KIF26B: variants seen among roughly 807,000 people sequenced by gnomAD.
The protein encoded by KIF26B is kinesin-like protein KIF26B.
KIF26B carries 63 observed loss-of-function variants against 151.2 expected under a neutral mutation model. The ratio of observed to expected loss-of-function variants is 0.42; its 90% CI spans 0.34 to 0.51. The LOEUF (loss-of-function observed/expected upper bound fraction) is 0.51. KIF26B is among the 20% of genes least tolerant of loss of function. KIF26B has a pLI of 0.07. For missense variants in KIF26B, 2,813 were observed against 2,913.6 expected (o/e 0.97, Z 0.79); for synonymous variants, 1,357 against 1,262.1 (o/e 1.08, Z -1.59).
rs887049306 is a variant in KIF26B at position 245,606,074 on chromosome 1, T to C, written c.1558-1577T>C. ...CTGGCAAATTCCATCAAGACGCTACTGCTTCTGTCTCAGGGTTAGCACTGG... is the reference window on the plus strand; with the variant it reads ...CTGGCAAATTCCATCAAGACGCTACCGCTTCTGTCTCAGGGTTAGCACTGG... On this transcript the variant is annotated intron_variant, in intron 6 of 14. Coordinates refer to ENST00000407071, the MANE Select transcript of KIF26B (RefSeq NM_018012.4). The surrounding 1 kb of genome is among the most constrained non-coding windows in gnomAD (Gnocchi z 4.6). Among the ~76,000 whole-genome samples, 1 of 152,170 alleles carries C rather than the reference T, an allele frequency of 6.6e-6. No individual in the cohort carries two copies. The highest frequency in any genetic ancestry group is 1.9e-4 in the East Asian group (1 of 5,190).
chr1:245,337,671 A>T (rs1477506221), intron 2 of KIF26B, among the ~76,000 whole-genome samples: 1 of 152,172 alleles, frequency 6.6e-6, no homozygotes, highest in Non-Finnish European at 1.5e-5. Flanking sequence ...TTGAATTAAT[A>T]AATAAATGAC....
Position 245,218,131 on chromosome 1 carries a change from G to A in KIF26B, c.465+61448G>A, listed in dbSNP as rs1669685710. 6.6e-6 allele frequency among the ~76,000 whole-genome samples: 1 copy of A among 152,214 alleles called. No individual in the cohort carries two copies. Among genetic ancestry groups the A allele is most frequent in the Non-Finnish European group, 1.5e-5 (1 of 68,040 alleles). On this transcript the variant is annotated intron_variant, in intron 2 of 14. Transcript: ENST00000407071. This position sits in a 1 kb window ranked among gnomAD's most constrained non-coding sequence, Gnocchi z 4.1. Reference sequence around the variant, plus strand: ...GTCTGGATCCTGTGCAGCGGGCAGAGGCCAGAGGCCATGGTGGGGGCCCCA... The same window carrying A: ...GTCTGGATCCTGTGCAGCGGGCAGAAGCCAGAGGCCATGGTGGGGGCCCCA...
At chr1:245,594,183 TTG>T (rs1404038727) in intron 5 of KIF26B, among the ~76,000 whole-genome samples, 2 of 152,230 alleles carry the variant, frequency 1.3e-5, no homozygotes, top group Non-Finnish European at 2.9e-5. Flanking sequence ...TAGATCCCAT[TTG>T]TCAATTTTGG....
intron 2 of KIF26B, among the ~76,000 whole-genome samples, chr1:245,189,046 G>T (rs1294699601): frequency 6.6e-6 from 1 of 152,230 alleles, no homozygotes; most frequent in Non-Finnish European, 1.5e-5. Flanking sequence ...AGGGGCTGGA[G>T]TTGAGGGGAA....
chr1:245,698,495 G>C lies in KIF26B; in HGVS notation c.6027+187G>C, dbSNP rs1280829309. 6.6e-6 allele frequency among the ~76,000 whole-genome samples: 1 copy of C among 152,196 alleles called. No individual in the cohort carries two copies. Among genetic ancestry groups the C allele is most frequent in the African/African-American group, 2.4e-5 (1 of 41,450 alleles). ...CCTTTGGACAGAGGCCTTGGAGAGA[G>C]CCCCATGTTTCTCTTCCTGAAATGT... On this transcript the variant is annotated intron_variant, in intron 13 of 14. Transcript: ENST00000407071. This position sits in a 1 kb window ranked among gnomAD's most constrained non-coding sequence, Gnocchi z 4.0.
chr1:245,303,474 AG>A (rs1394883042), intron 2 of KIF26B, among the ~76,000 whole-genome samples: 1 of 150,908 alleles, frequency 6.6e-6, no homozygotes, highest in Admixed American at 6.6e-5. Context: ...CTGGGATTAC[AG>A]GCGTAAGCCA....
At position 245,586,892 on chromosome 1, in the gene KIF26B, C is replaced by CA. The variant is rs10715064; in HGVS notation, c.1351-15668dup. 5.9e-3 allele frequency among the ~76,000 whole-genome samples: 656 copies of CA among 111,456 alleles called. 3 individuals are homozygous for CA. Among genetic ancestry groups the CA allele is most frequent in the South Asian group, 0.039 (131 of 3,336 alleles). 73.1% of individuals were successfully genotyped at this position (111,456 alleles called of 152,430 possible). A position where few individuals can be genotyped will look rare whatever the true frequency, so the allele number is the denominator to read the frequency against. ...TGGGTGACAGAGCGAGACTCCGTCT[C>CA]AAAAAAAAAAAAAAAAACATCAAAC... is the stretch of plus-strand genomic sequence containing the variant. On this transcript the variant is annotated intron_variant, in intron 5 of 14. Coordinates refer to ENST00000407071, the MANE Select transcript of KIF26B (RefSeq NM_018012.4).
chr1:245,311,772 A>C (rs1671669973), intron 2 of KIF26B, among the ~76,000 whole-genome samples: 1 of 151,830 alleles, frequency 6.6e-6, no homozygotes, highest in African/African-American at 2.4e-5. Context: ...GTCTCTACCA[A>C]AAGTACAAAA....
intron 2 of KIF26B, among the ~76,000 whole-genome samples, chr1:245,337,241 G>A (rs745991669): frequency 6.7e-6 from 1 of 149,534 alleles, no homozygotes; most frequent in Admixed American, 6.7e-5. Context: ...GTGTGATCTC[G>A]GCTCACTGCA....
intron 2 of KIF26B, among the ~76,000 whole-genome samples, chr1:245,157,488 T>C (rs1312044692): frequency 1.3e-5 from 2 of 152,260 alleles, no homozygotes; most frequent in Non-Finnish European, 2.9e-5. Context: ...TCAACGTCAA[T>C]TTCTGGTTTA....
rs764495202 is a variant in KIF26B, at chr1:245,685,722, C to G, written c.2739C>G (p.Ala913=). 2 of 1,611,980 alleles carry G rather than the reference C, an allele frequency of 1.2e-6. No individual in the cohort carries two copies. The highest frequency in any genetic ancestry group is 4.5e-5 in the East Asian group (2 of 44,848). Residue 913 remains alanine, a synonymous_variant, in exon 12 of 15, where the codon GCC becomes GCG. Transcript: ENST00000407071. ...SRPAEAGEAA[A]GKSERDCLKC... is the part of the protein sequence containing the mutation. Reference sequence around the variant, plus strand: ...CCGCAGAGGCAGGAGAGGCTGCAGCCGGCAAGTCAGAAAGGGACTGCCTGA... The same window carrying G: ...CCGCAGAGGCAGGAGAGGCTGCAGCGGGCAAGTCAGAAAGGGACTGCCTGA...
intron 6 of KIF26B, 28 bp from the exon 7 acceptor site, chr1:245,607,623 G>A (rs990780105): frequency 1.8e-5 from 29 of 1,578,164 alleles, no homozygotes; most frequent in East Asian, 4.6e-5. Flanking sequence ...GTCCATTCAC[G>A]GCTCGTGTCT....
chr1:245,377,885 A>T (rs536258609), intron 3 of KIF26B, among the ~76,000 whole-genome samples: 1 of 152,298 alleles, frequency 6.6e-6, no homozygotes. Flanking sequence ...ACCTGCATGC[A>T]TCCTTATACT....
At chr1:245,464,114 C>A (rs1015728361) in intron 4 of KIF26B, among the ~76,000 whole-genome samples, 1 of 152,088 alleles carries the variant, frequency 6.6e-6, no homozygotes, top group Non-Finnish European at 1.5e-5. Flanking sequence ...TGAGAGGAGC[C>A]CAAGTCAAAC....
intron 2 of KIF26B, among the ~76,000 whole-genome samples, chr1:245,330,233 G>A (rs2102990746): frequency 6.6e-6 from 1 of 150,548 alleles, no homozygotes; most frequent in South Asian, 2.1e-4. Context: ...AGGAGTGGGA[G>A]ATGCCATCTT....
intron 5 of KIF26B, among the ~76,000 whole-genome samples, chr1:245,556,359 CTCCTT>C (rs1662038014): frequency 5.4e-5 from 6 of 110,130 alleles, no homozygotes; most frequent in South Asian, 2.5e-4. Context: ...CCTCCTCCTC[CTCCTT>C]CTTCTTCTTC....
intron 2 of KIF26B, among the ~76,000 whole-genome samples, chr1:245,204,367 G>A (rs781167641): frequency 7.2e-6 from 1 of 139,104 alleles, no homozygotes; most frequent in Non-Finnish European, 1.6e-5. Flanking sequence ...CTTCTCTGTT[G>A]TAAGATCTCT....
At chr1:245,443,407 A>C (rs1181154929) in intron 4 of KIF26B, among the ~76,000 whole-genome samples, 6 of 108,926 alleles carry the variant, frequency 5.5e-5, no homozygotes, top group East Asian at 2.8e-4. Context: ...CCTAGAGGAG[A>C]GGTCATCTCC....
intron 2 of KIF26B, among the ~76,000 whole-genome samples, chr1:245,236,723 T>C (rs1445611017): frequency 6.6e-6 from 1 of 152,126 alleles, no homozygotes; most frequent in Non-Finnish European, 1.5e-5. Flanking sequence ...GAAATAAAAA[T>C]ACATGATGCG....
Sources: gnomAD v4.1 joint callset for allele counts (sites outside exome capture counted in the v4.1 genomes callset) on GRCh38, gnomAD v4.1.1 for gene constraint, Gnocchi (gnomAD v3.1) non-coding constraint, MANE v1.5 for transcripts, NCBI Gene and HGNC (gene_info 2026-07-23, HGNC 2026-07-21) for gene names.